OLA1: variants seen among roughly 807,000 people sequenced by gnomAD.
The protein encoded by OLA1 is Obg like ATPase 1, also known as obg-like ATPase 1.
Under a neutral mutation model 48.4 loss-of-function variants are expected in OLA1, and 14 were observed. That is an observed-to-expected ratio of 0.29 (90% confidence interval 0.19 to 0.45). OLA1 has a LOEUF of 0.45. Ranked by LOEUF, OLA1 falls within the 20% of genes least tolerant of loss-of-function variation. The pLI is 1.00. For missense variants in OLA1, 325 were observed against 467.1 expected (o/e 0.70, Z 2.80); for synonymous variants, 127 against 150.4 (o/e 0.84, Z 1.14).
At chr2:174,136,672 C>CTTTTTTTT (rs555917413) in intron 5 of OLA1, among the ~76,000 whole-genome samples, 12 of 141,968 alleles carry the variant, frequency 8.5e-5, no homozygotes, top group African/African-American at 2.8e-4. Flanking sequence ...CATGAATATT[C>CTTTTTTTT]TTTTTTTTTT....
intron 7 of OLA1, among the ~76,000 whole-genome samples, chr2:174,118,278 T>C (rs868369141): frequency 6.6e-6 from 1 of 152,144 alleles, no homozygotes; most frequent in Admixed American, 6.5e-5. Flanking sequence ...TCAACTCCGG[T>C]TGTAAAAGTG....
intron 4 of OLA1, among the ~76,000 whole-genome samples, chr2:174,143,165 C>T (rs1358359657): frequency 6.6e-6 from 1 of 152,048 alleles, no homozygotes; most frequent in African/African-American, 2.4e-5. Context: ...AACAATAAAA[C>T]ATAAATATAC....
rs200283971 is a variant in OLA1, at chr2:174,116,095, G to GT, written c.728+7084dup. Among the ~76,000 whole-genome samples the GT allele has an allele frequency of 7.8e-3, 1,185 of 152,154 alleles. 17 individuals carry two copies. The highest frequency in any genetic ancestry group is 0.027 in the African/African-American group (1,108 of 41,526). On this transcript the variant is annotated intron_variant, in intron 7 of 10. Coordinates refer to ENST00000284719, the MANE Select transcript of OLA1 (RefSeq NM_013341.5). ...TTTGAAATTTGCATTTATAATGACA[G>GT]TTTTTTTTACCAAGTTTTGCTTTTC... is the stretch of plus-strand genomic sequence containing the variant.
chr2:174,111,452 T>G (rs939092193), intron 7 of OLA1, among the ~76,000 whole-genome samples: 1 of 152,210 alleles, frequency 6.6e-6, no homozygotes, highest in Non-Finnish European at 1.5e-5. Flanking sequence ...AGTAAATGGA[T>G]AGAAATTTGC....
intron 4 of OLA1, among the ~76,000 whole-genome samples, chr2:174,187,508 T>C (rs925608005): frequency 3.3e-5 from 5 of 152,214 alleles, no homozygotes; most frequent in Non-Finnish European, 7.4e-5. Context: ...AGACACCATT[T>C]CTAATTGGTT....
At chr2:174,170,185 A>G (rs1687263144) in intron 4 of OLA1, among the ~76,000 whole-genome samples, 1 of 152,202 alleles carries the variant, frequency 6.6e-6, no homozygotes, top group African/African-American at 2.4e-5. Flanking sequence ...GTGAGCCGAG[A>G]TCGCGCCACT....
At chr2:174,160,205 A>C (rs892268673) in intron 4 of OLA1, among the ~76,000 whole-genome samples, 4 of 152,198 alleles carry the variant, frequency 2.6e-5, no homozygotes, top group African/African-American at 9.6e-5. Flanking sequence ...TGCACATAGA[A>C]GTAACATTTC....
chr2:174,219,987 C>T (rs1296376359), intron 4 of OLA1, among the ~76,000 whole-genome samples: 2 of 151,968 alleles, frequency 1.3e-5, no homozygotes, highest in Non-Finnish European at 2.9e-5. Flanking sequence ...CAAAAAGTAG[C>T]CTGGTGTGGT....
chr2:174,141,889 G>T lies in OLA1; in HGVS notation c.485C>A (p.Pro162His), dbSNP rs1336856628. Residue 162 changes from proline (P) to histidine (H), a missense_variant, in exon 5 of 11, where the codon CCC becomes CAC. Transcript: ENST00000284719. ...CACCTTTTCTAGTTTATCTATAATG[G>T]GCCCAATCATTTCCTCATCTTTAAG... ...LQLKDEEMIG[P>H]IIDKLEKVAV... 2 of 1,611,084 alleles carry T rather than the reference G, an allele frequency of 1.2e-6. No individual in the cohort carries two copies. Among genetic ancestry groups the T allele is most frequent in the South Asian group, 2.2e-5 (2 of 90,810 alleles).
chr2:174,235,021 T>C (rs1688813471), intron 2 of OLA1, among the ~76,000 whole-genome samples: 1 of 152,006 alleles, frequency 6.6e-6, no homozygotes, highest in African/African-American at 2.4e-5. Context: ...TAGCCAGGCA[T>C]GGTGGCACAT....
intron 5 of OLA1, chr2:174,124,390 CA>C (rs1685998985): frequency 1.3e-5 from 2 of 152,326 alleles, no homozygotes; most frequent in Admixed American, 6.5e-5. Context: ...GGAGTAACTG[CA>C]GGAAGAGCCC....
intron 4 of OLA1, among the ~76,000 whole-genome samples, chr2:174,192,965 T>G (rs1171807580): frequency 6.6e-6 from 1 of 152,150 alleles, no homozygotes; most frequent in East Asian, 1.9e-4. Context: ...CATGTCCACG[T>G]GTGTAAGCGT....
chr2:174,167,658 T>C (rs1687197041), intron 4 of OLA1, among the ~76,000 whole-genome samples: 1 of 152,192 alleles, frequency 6.6e-6, no homozygotes. Context: ...ATGATGGTAA[T>C]AAATTAATAC....
Position 174,094,275 on chromosome 2 carries a change from T to G in OLA1, c.729-12211A>C, listed in dbSNP as rs193020726. On this transcript the variant is annotated intron_variant, in intron 7 of 10. Coordinates refer to ENST00000284719, the MANE Select transcript of OLA1 (RefSeq NM_013341.5). ...TACATGGAAAAAGACAAAGCATCAC[T>G]GAAAGAGATTAGAGAGCTAAGTAAA... 1.9e-3 allele frequency among the ~76,000 whole-genome samples: 287 copies of G among 152,258 alleles called. 1 individual carries two copies. The highest frequency in any genetic ancestry group is 3.3e-3 in the Non-Finnish European group (224 of 68,008).
intron 4 of OLA1, among the ~76,000 whole-genome samples, chr2:174,191,707 C>T (rs1687782001): frequency 6.6e-6 from 1 of 152,124 alleles, no homozygotes; most frequent in East Asian, 1.9e-4. Flanking sequence ...AAGCAATCCT[C>T]TCAGCTTGGC....
At chr2:174,202,681 T>G (rs1204656556) in intron 4 of OLA1, among the ~76,000 whole-genome samples, 1 of 152,212 alleles carries the variant, frequency 6.6e-6, no homozygotes, top group African/African-American at 2.4e-5. Flanking sequence ...CAGCTGTGGT[T>G]GCTACCATTT....
At chr2:174,238,835 G>A (rs1395767763) in intron 2 of OLA1, among the ~76,000 whole-genome samples, 4 of 152,104 alleles carry the variant, frequency 2.6e-5, no homozygotes, top group African/African-American at 9.7e-5. Context: ...GTATATAACT[G>A]AAAGATACTG....
intron 4 of OLA1, among the ~76,000 whole-genome samples, chr2:174,205,408 C>G (rs1688089857): frequency 6.6e-6 from 1 of 152,138 alleles, no homozygotes; most frequent in African/African-American, 2.4e-5. Context: ...ATAAAGAACA[C>G]TATTCCCAGA....
At chr2:174,103,370 G>A (rs774242201) in intron 7 of OLA1, among the ~76,000 whole-genome samples, 20 of 152,108 alleles carry the variant, frequency 1.3e-4, no homozygotes, top group Admixed American at 2.6e-4. Context: ...TTTGAACAAC[G>A]ACATGCCCAT....
Sources: gnomAD v4.1 joint callset for allele counts (sites outside exome capture counted in the v4.1 genomes callset) on GRCh38, gnomAD v4.1.1 for gene constraint, MANE v1.5 for transcripts, NCBI Gene and HGNC (gene_info 2026-07-23, HGNC 2026-07-21) for gene names.